The following MYRIP variants were observed in gnomAD, a reference collection of about 807,000 sequenced individuals.
MYRIP encodes myosin VIIA and Rab interacting protein, also known as rab effector MyRIP.
In MYRIP, 49 loss-of-function variants were observed where a neutral mutation model predicts 98.0. The observed-to-expected ratio is 0.50, with a 90% CI of 0.40 to 0.63. MYRIP has a LOEUF of 0.63. Among genes scored for constraint, MYRIP ranks in the 30% least tolerant of loss-of-function variants. The pLI is 0.00. For missense variants in MYRIP, 1,004 were observed against 1,058.2 expected (o/e 0.95, Z 0.71); for synonymous variants, 404 against 409.5 (o/e 0.99, Z 0.16).
At chr3:39,860,389 G>A (rs1405261818) in intron 1 of MYRIP, among the ~76,000 whole-genome samples, 1 of 152,206 alleles carries the variant, frequency 6.6e-6, no homozygotes, top group Non-Finnish European at 1.5e-5. Flanking sequence ...ATCTCTAGTG[G>A]AGCATGATCA....
At chr3:40,101,253 T>C (rs1948939572) in intron 3 of MYRIP, among the ~76,000 whole-genome samples, 1 of 152,232 alleles carries the variant, frequency 6.6e-6, no homozygotes, top group African/African-American at 2.4e-5. Flanking sequence ...CTGTGTTTTA[T>C]TATTATAATC....
At chr3:40,113,932 G>T (rs754420658) in intron 3 of MYRIP, among the ~76,000 whole-genome samples, 8 of 151,092 alleles carry the variant, frequency 5.3e-5, no homozygotes, top group Admixed American at 4.6e-4. Flanking sequence ...CTCATGACCC[G>T]CCCGCCTTGG....
intron 8 of MYRIP, among the ~76,000 whole-genome samples, chr3:40,171,657 T>A (rs1950616492): frequency 6.6e-6 from 1 of 152,212 alleles, no homozygotes; most frequent in Admixed American, 6.5e-5. Context: ...CTTGACTAGA[T>A]ATGAGACCTT....
At chr3:39,837,732 G>GT (rs1302727301) in intron 1 of MYRIP, among the ~76,000 whole-genome samples, 3 of 152,152 alleles carry the variant, frequency 2.0e-5, no homozygotes, top group African/African-American at 4.8e-5. Context: ...ATTTAAAGTA[G>GT]TTTTTTCTAA....
chr3:40,035,567 A>G (rs1947361394), intron 2 of MYRIP, among the ~76,000 whole-genome samples: 1 of 152,000 alleles, frequency 6.6e-6, no homozygotes, highest in Non-Finnish European at 1.5e-5. Flanking sequence ...GAATATAAGA[A>G]TCAGGAAGGG....
chr3:39,847,534 G>C (rs181390939), intron 1 of MYRIP, among the ~76,000 whole-genome samples: 1 of 152,092 alleles, frequency 6.6e-6, no homozygotes, highest in Non-Finnish European at 1.5e-5. Flanking sequence ...AAGCCCATAT[G>C]CTCCTTGCTC....
intron 2 of MYRIP, among the ~76,000 whole-genome samples, chr3:39,905,853 A>G (rs1364780022): frequency 2.0e-5 from 3 of 151,956 alleles, no homozygotes; most frequent in Admixed American, 1.3e-4. Flanking sequence ...TACCATTATG[A>G]ATTAATTGTT....
chr3:40,077,552 G>C (rs946277092), intron 3 of MYRIP, among the ~76,000 whole-genome samples: 3 of 152,196 alleles, frequency 2.0e-5, no homozygotes, highest in African/African-American at 7.2e-5. Context: ...AGAGTAGCTA[G>C]ATACAGAGTG....
At chr3:39,829,139 A>G (rs1421782431) in intron 1 of MYRIP, among the ~76,000 whole-genome samples, 1 of 151,998 alleles carries the variant, frequency 6.6e-6, no homozygotes, top group African/African-American at 2.4e-5. Context: ...GTCAACATCC[A>G]CTGTTTTTTG....
At chr3:39,828,687 T>C (rs1941345381) in intron 1 of MYRIP, among the ~76,000 whole-genome samples, 1 of 152,166 alleles carries the variant, frequency 6.6e-6, no homozygotes. Flanking sequence ...TGCCTTTGCA[T>C]CCTCATAGCT....
At chr3:39,825,985 G>C (rs1419588023) in intron 1 of MYRIP, among the ~76,000 whole-genome samples, 3 of 151,880 alleles carry the variant, frequency 2.0e-5, no homozygotes, top group Non-Finnish European at 4.4e-5. Flanking sequence ...GTTTATAATA[G>C]TCTCTCATGA....
At chr3:40,254,623 C>T (rs2125728936) in intron 16 of MYRIP, among the ~76,000 whole-genome samples, 1 of 152,104 alleles carries the variant, frequency 6.6e-6, no homozygotes, top group Non-Finnish European at 1.5e-5. Context: ...ATGGGGGAGG[C>T]ATATAGCTTT....
At position 40,157,005 on chromosome 3, in the gene MYRIP, G is replaced by C. The variant is rs537458774; in HGVS notation, c.470-5725G>C. On this transcript the variant is annotated intron_variant, in intron 4 of 16. Transcript: ENST00000302541. ...CTTTATTTCCTTCTCCTGGCTAATT[G>C]CTCTGGCCAGAACTTCCAACACTAT... is the stretch of plus-strand genomic sequence containing the variant. Among the ~76,000 whole-genome samples, 50 of 151,928 alleles carry C rather than the reference G, an allele frequency of 3.3e-4. 1 individual carries two copies. The highest frequency in any genetic ancestry group is 1.2e-3 in the African/African-American group (48 of 41,286).
At chr3:39,877,185 A>C (rs913584788) in intron 1 of MYRIP, among the ~76,000 whole-genome samples, 4 of 152,196 alleles carry the variant, frequency 2.6e-5, no homozygotes, top group South Asian at 2.1e-4. Flanking sequence ...CTTGGTTTTC[A>C]GCTCCACCAG....
intron 4 of MYRIP, among the ~76,000 whole-genome samples, chr3:40,161,923 C>A (rs1175926512): frequency 6.6e-6 from 1 of 152,166 alleles, no homozygotes; most frequent in Non-Finnish European, 1.5e-5. Flanking sequence ...ATGTGGTCAC[C>A]ATGAACTGCA....
intron 12 of MYRIP, among the ~76,000 whole-genome samples, chr3:40,243,420 T>C (rs558674014): frequency 7.6e-4 from 95 of 125,330 alleles, no homozygotes; most frequent in African/African-American, 2.9e-3. Context: ...AAAAAAAAAG[T>C]GCATGACTAG....
intron 2 of MYRIP, among the ~76,000 whole-genome samples, chr3:40,026,872 C>T (rs1453791994): frequency 6.6e-6 from 1 of 152,136 alleles, no homozygotes; most frequent in African/African-American, 2.4e-5. Flanking sequence ...GTCTGGCTTC[C>T]CCTCTTCAGC....
intron 1 of MYRIP, among the ~76,000 whole-genome samples, chr3:39,838,782 T>C (rs1559492029): frequency 1.3e-5 from 2 of 152,166 alleles, no homozygotes; most frequent in Non-Finnish European, 2.9e-5. Context: ...TCAGAAGGAA[T>C]GGTACCAGCT....
intron 16 of MYRIP, among the ~76,000 whole-genome samples, chr3:40,252,478 G>A (rs1026938613): frequency 1.3e-5 from 2 of 152,146 alleles, no homozygotes; most frequent in African/African-American, 2.4e-5. Flanking sequence ...AAGTATAGGC[G>A]ATAGAAATTT....
Sources: allele counts gnomAD v4.1 joint callset (sites outside exome capture counted in the v4.1 genomes callset), GRCh38; gene constraint gnomAD v4.1.1; transcripts MANE v1.5; gene names NCBI Gene and HGNC (gene_info 2026-07-23, HGNC 2026-07-21).